DISP3: variants seen among roughly 807,000 people sequenced by gnomAD.
DISP3 encodes the protein protein dispatched homolog 3.
DISP3 carries 101 observed loss-of-function variants against 135.3 expected under a neutral mutation model. The observed-to-expected ratio is 0.75, with a 90% CI of 0.64 to 0.88. DISP3 has a LOEUF of 0.88. Ranked by LOEUF, DISP3 falls within the 40% of genes least tolerant of loss-of-function variation. The probability of loss-of-function intolerance (pLI) is 0.00; values close to 1 mark genes in which losing one functional copy is unlikely to be tolerated. For synonymous variants in DISP3, 856 were observed against 817.0 expected, an observed-to-expected ratio of 1.05 and a Z score of -0.81; for missense variants, 1,713 against 1,878.6, an observed-to-expected ratio of 0.91 and a Z score of 1.63.
intron 3 of DISP3, among the ~76,000 whole-genome samples, chr1:11,513,180 A>G (rs577674678): frequency 6.6e-6 from 1 of 152,288 alleles, no homozygotes; most frequent in African/African-American, 2.4e-5. Context: ...GCTACTCAGG[A>G]GGCTGAGGTG....
At chr1:11,525,062 C>G in intron 11 of DISP3, 114 bp from the exon 12 acceptor site, 1 of 1,329,342 alleles carries the variant, frequency 7.5e-7, no homozygotes, top group African/African-American at 1.5e-5. Context: ...TGAGATGAGC[C>G]CAAGGCCAGG....
intron 3 of DISP3, among the ~76,000 whole-genome samples, chr1:11,506,107 G>A (rs144269577): frequency 3.0e-4 from 46 of 152,098 alleles, no homozygotes; most frequent in Non-Finnish European, 5.7e-4. Context: ...CATCATTTCT[G>A]TAGAAAAGTA....
intron 10 of DISP3, among the ~76,000 whole-genome samples, chr1:11,522,247 G>A (rs973391014): frequency 6.6e-5 from 10 of 152,144 alleles, no homozygotes; most frequent in African/African-American, 2.4e-4. Flanking sequence ...CAGCTCACAG[G>A]AGCAGATCTG....
At chr1:11,525,343 C>T (rs1371479993) in intron 12 of DISP3, 31 bp downstream of exon 12, 7 of 1,599,684 alleles carry the variant, frequency 4.4e-6, no homozygotes, top group African/African-American at 1.3e-5. Context: ...AGTGAGCCGC[C>T]ACCACTGTGG....
In DISP3 at chr1:11,516,116, C is replaced by T; in HGVS notation, c.1704C>T (p.Thr568=). ...CTGCAGGCAAGGCCACCTTCTTCAC[C>T]TCCCTGACCACAGCCGCCGCCTACG... The part of the protein sequence containing the change: ...VQTAGKATFF[T]SLTTAAAYAA... The change falls in exon 6 of 21, where the codon ACC becomes ACT. Residue 568 remains threonine, a synonymous_variant. Transcript: ENST00000294484. This position sits in a 1 kb window ranked among gnomAD's most constrained non-coding sequence, Gnocchi z 5.1. 1.2e-6 allele frequency: 2 copies of T among 1,614,204 alleles called. No individual in the cohort carries two copies. The highest frequency in any genetic ancestry group is 1.7e-6 in the Non-Finnish European group (2 of 1,180,020).
intron 12 of DISP3, 64 bp from the exon 13 acceptor site, chr1:11,526,587 G>A (rs1642425423): frequency 4.6e-6 from 7 of 1,538,392 alleles, no homozygotes; most frequent in Middle Eastern, 1.7e-4. Flanking sequence ...GGAGCCTGAG[G>A]CTGGCCCAGG....
At chr1:11,480,286 C>A (rs1359819425) in intron 1 of DISP3, among the ~76,000 whole-genome samples, 1 of 152,140 alleles carries the variant, frequency 6.6e-6, no homozygotes, top group Non-Finnish European at 1.5e-5. Flanking sequence ...CTCGCGGCCG[C>A]CCTAGAAACT....
rs530915069 is a variant in DISP3 at position 11,534,698 on chromosome 1, AGTT to A, written c.3535+159_3535+161del. Among the ~76,000 whole-genome samples the A allele has an allele frequency of 3.9e-5, 6 of 152,272 alleles. No homozygotes were observed. In the East Asian group the frequency reaches 1.2e-3, roughly 29 times the overall value. ...GGCTGGGACATTGATCAGAGGCTGG[AGTT>A]TGGGTCCTCTCCTGTCGGGGGCATC... On this transcript the variant is annotated intron_variant, in intron 18 of 20. Transcript: ENST00000294484.
chr1:11,529,394 C>A lies in DISP3; in HGVS notation c.2799-162C>A, dbSNP rs1006610297. Among the ~76,000 whole-genome samples, 2 of 152,138 alleles carry A rather than the reference C, an allele frequency of 1.3e-5. No homozygotes were observed. The highest frequency in any genetic ancestry group is 2.4e-5 in the African/African-American group (1 of 41,414). On this transcript the variant is annotated intron_variant, in intron 13 of 20. Coordinates refer to ENST00000294484, the MANE Select transcript of DISP3 (RefSeq NM_020780.2). This position sits in a 1 kb window ranked among gnomAD's most constrained non-coding sequence, Gnocchi z 4.7. ...TCCAGACCCCCAGCCCAGGGCACAT[C>A]CCCCAGCCCTCAACCTGAGAACAAA...
rs771172220 is a variant in DISP3, at chr1:11,535,461, C to A, written c.3650-17C>A. ...GGGCGGGGGATCCGAGCTGCCCCCCCTGCTGTCTCCTTGCAGGCATCGTGT... is the reference window on the plus strand; with the variant it reads ...GGGCGGGGGATCCGAGCTGCCCCCCATGCTGTCTCCTTGCAGGCATCGTGT... On this transcript the variant is annotated splice_polypyrimidine_tract_variant and intron_variant, in intron 19 of 20. Transcript: ENST00000294484. The A allele has an allele frequency of 1.9e-6, 3 of 1,593,936 alleles. No individual in the cohort carries two copies. Among genetic ancestry groups the A allele is most frequent in the East Asian group, 2.2e-5 (1 of 44,494 alleles).
In DISP3 at chr1:11,536,915, G is replaced by A. The variant is rs1414792639; in HGVS notation, c.*229G>A. ...GGCCGGGCTACTGGCAGCCACACTC[G>A]GCTTTTTGCCCAGTGGCAGAAGAGA... On this transcript the variant is annotated 3_prime_UTR_variant, in exon 21 of 21. Transcript: ENST00000294484. The surrounding 1 kb of genome is among the most constrained non-coding windows in gnomAD (Gnocchi z 4.3). 11 of 616,032 alleles carry A rather than the reference G, an allele frequency of 1.8e-5. No homozygotes were observed. Among genetic ancestry groups the A allele is most frequent in the Admixed American group, 3.3e-5 (1 of 30,392 alleles). 38.2% of individuals were successfully genotyped at this position (616,032 alleles called of 1,614,324 possible).
Position 11,501,206 on chromosome 1 carries a change from T to C in DISP3, c.214T>C (p.Cys72Arg), listed in dbSNP as rs775287940. The change falls in exon 2 of 21, where the codon TGC (cysteine) becomes CGC (arginine). Residue 72 changes from cysteine to arginine, a missense_variant. Transcript: ENST00000294484. This position sits in a 1 kb window ranked among gnomAD's most constrained non-coding sequence, Gnocchi z 4.9. ...STLGWAFTNP[C>R]CAGLVLFLGC... ...CCTGGGCTGGGCCTTCACCAATCCG[T>C]GCTGTGCTGGGCTGGTGCTCTTCCT... 6.2e-7 allele frequency: 1 copy of C among 1,614,048 alleles called. No individual in the cohort carries two copies. Among genetic ancestry groups the C allele is most frequent in the South Asian group, 1.1e-5 (1 of 91,082 alleles).
chr1:11,493,010 G>A (rs866099928), intron 1 of DISP3, among the ~76,000 whole-genome samples: 2 of 152,174 alleles, frequency 1.3e-5, no homozygotes, highest in South Asian at 4.1e-4. Context: ...GATGCTTCAC[G>A]GCCCCATTGT....
chr1:11,522,827 GCCCAGCCAGGACCCAGCCAGA>G (rs1642271493), intron 10 of DISP3, among the ~76,000 whole-genome samples: 2 of 107,896 alleles, frequency 1.9e-5, no homozygotes, highest in Admixed American at 1.0e-4. Context: ...CCCAGCCAGA[GCCCAGCCAGGACCCAGCCAGA>G]GCCCAGCCAG....
At chr1:11,528,020 C>T (rs1357698370) in intron 13 of DISP3, among the ~76,000 whole-genome samples, 2 of 152,154 alleles carry the variant, frequency 1.3e-5, no homozygotes, top group East Asian at 1.9e-4. Flanking sequence ...CATTTGGTGC[C>T]GCCTCCCCAG....
intron 5 of DISP3, among the ~76,000 whole-genome samples, 196 bp downstream of exon 5, chr1:11,515,699 AGGTTTG>A (rs1341838104): frequency 6.6e-5 from 10 of 152,212 alleles, no homozygotes; most frequent in Admixed American, 3.9e-4. Context: ...GAGAGCAGGA[AGGTTTG>A]CTGGATGGAG....
rs147952953 is a variant in DISP3 at position 11,499,699 on chromosome 1, C to T, written c.-3-1291C>T. Among the ~76,000 whole-genome samples the T allele has an allele frequency of 2.8e-3, 417 of 151,362 alleles. 1 individual carries two copies. The highest frequency in any genetic ancestry group is 9.9e-3 in the African/African-American group (405 of 40,804). On this transcript the variant is annotated intron_variant, in intron 1 of 20. Coordinates refer to ENST00000294484, the MANE Select transcript of DISP3 (RefSeq NM_020780.2). The surrounding 1 kb of genome is among the most constrained non-coding windows in gnomAD (Gnocchi z 5.2). ...TCCCTATTTGCATCTCAGTCTCTCC[C>T]TCATCCCCCACCATTCCACTCTCCC... is the stretch of plus-strand genomic sequence containing the variant.
At chr1:11,495,883 C>T (rs961119536) in intron 1 of DISP3, among the ~76,000 whole-genome samples, 2 of 152,202 alleles carry the variant, frequency 1.3e-5, no homozygotes, top group Non-Finnish European at 2.9e-5. Flanking sequence ...CTGCCTATTA[C>T]AGTAATTCTT....
chr1:11,488,519 C>T (rs936623626), intron 1 of DISP3, among the ~76,000 whole-genome samples: 3 of 152,304 alleles, frequency 2.0e-5, no homozygotes, highest in South Asian at 2.1e-4. Flanking sequence ...CCTGGGCACC[C>T]GTGGTGGGGA....
Sources: allele counts gnomAD v4.1 joint callset (sites outside exome capture counted in the v4.1 genomes callset), GRCh38; gene constraint gnomAD v4.1.1; non-coding constraint Gnocchi (gnomAD v3.1); transcripts MANE v1.5; gene names NCBI Gene and HGNC (gene_info 2026-07-23, HGNC 2026-07-21).